The following SAMD12 variants were observed in gnomAD, a reference collection of about 807,000 sequenced individuals.
SAMD12 encodes sterile alpha motif domain containing 12, also known as sterile alpha motif domain-containing protein 12.
In SAMD12, 9 loss-of-function variants were observed where a neutral mutation model predicts 15.0. The observed-to-expected ratio is 0.60, with a 90% CI of 0.36 to 1.05. The LOEUF (loss-of-function observed/expected upper bound fraction) is 1.05, where lower values mean the gene tolerates loss of function less well. Ranked by LOEUF, SAMD12 falls within the 50% of genes least tolerant of loss-of-function variation. SAMD12 has a pLI of 0.01. For missense variants in SAMD12, 230 were observed against 234.2 expected (o/e 0.98, Z 0.12); for synonymous variants, 86 against 90.1 (o/e 0.96, Z 0.25).
intron 4 of SAMD12, among the ~76,000 whole-genome samples, chr8:118,221,510 A>T (rs147013743): frequency 2.1e-4 from 32 of 152,312 alleles, no homozygotes; most frequent in African/African-American, 6.5e-4. Flanking sequence ...CAAGAAGTAA[A>T]AAATAAATAA....
At chr8:118,202,699 G>C (rs1172717035) in intron 4 of SAMD12, among the ~76,000 whole-genome samples, 2 of 152,118 alleles carry the variant, frequency 1.3e-5, no homozygotes, top group Non-Finnish European at 2.9e-5. Context: ...CCTTTAAAAG[G>C]GCTGTTCAGT....
At chr8:118,468,333 C>T (rs1257196116) in intron 2 of SAMD12, among the ~76,000 whole-genome samples, 2 of 152,134 alleles carry the variant, frequency 1.3e-5, no homozygotes, top group African/African-American at 4.8e-5. Flanking sequence ...GTAAACCAAC[C>T]AGTTTTCTTA....
chr8:118,501,862 A>G (rs1367163873), intron 2 of SAMD12, among the ~76,000 whole-genome samples: 1 of 152,136 alleles, frequency 6.6e-6, no homozygotes, highest in Non-Finnish European at 1.5e-5. Flanking sequence ...TAAAAATACA[A>G]AAATATTAGC....
chr8:118,175,043 A>AC, the SAMD12 span, among the ~76,000 whole-genome samples: 1 of 146,886 alleles, frequency 6.8e-6, no homozygotes, highest in South Asian at 2.1e-4. Context: ...ACAAAAAAAA[A>AC]AAAACAAAAA....
chr8:118,259,635 G>GA (rs1239600490), intron 4 of SAMD12, among the ~76,000 whole-genome samples: 2 of 152,020 alleles, frequency 1.3e-5, no homozygotes, highest in Non-Finnish European at 2.9e-5. Context: ...TATCTGTCCA[G>GA]CACTTTTCAC....
At chr8:118,173,912 G>A in the SAMD12 span, among the ~76,000 whole-genome samples, 2 of 152,072 alleles carry the variant, frequency 1.3e-5, no homozygotes, top group African/African-American at 2.4e-5. Flanking sequence ...TTGCAGGCAT[G>A]AGCCAACACA....
chr8:118,356,672 G>T (rs1463936929), intron 4 of SAMD12, among the ~76,000 whole-genome samples: 1 of 152,120 alleles, frequency 6.6e-6, no homozygotes, highest in East Asian at 1.9e-4. Context: ...TTTTCATACA[G>T]GTCCCTCACT....
At chr8:118,351,319 T>A (rs1366865977) in intron 4 of SAMD12, among the ~76,000 whole-genome samples, 1 of 152,182 alleles carries the variant, frequency 6.6e-6, no homozygotes, top group Non-Finnish European at 1.5e-5. Context: ...TGCCTACAGT[T>A]GTTGCTGATT....
At chr8:118,559,015 AG>A (rs1456898359) in intron 2 of SAMD12, among the ~76,000 whole-genome samples, 1 of 152,126 alleles carries the variant, frequency 6.6e-6, no homozygotes, top group Non-Finnish European at 1.5e-5. Flanking sequence ...GTCCCAATTC[AG>A]GGGGAGAAAA....
chr8:118,397,907 C>G (rs1484425271), intron 3 of SAMD12, among the ~76,000 whole-genome samples: 2 of 152,288 alleles, frequency 1.3e-5, no homozygotes, highest in African/African-American at 4.8e-5. Flanking sequence ...ATCCTCCCAT[C>G]TCAGCCCCGC....
chr8:118,337,686 C>G (rs1008239680), intron 4 of SAMD12, among the ~76,000 whole-genome samples: 1 of 152,232 alleles, frequency 6.6e-6, no homozygotes, highest in Non-Finnish European at 1.5e-5. Context: ...TAGTCACCGT[C>G]TTGCTTCTCA....
chr8:118,202,731 G>T (rs1173173553), intron 4 of SAMD12, among the ~76,000 whole-genome samples: 1 of 152,170 alleles, frequency 6.6e-6, no homozygotes, highest in East Asian at 1.9e-4. Flanking sequence ...AGAAAGAAGG[G>T]TCCATATCTT....
intron 4 of SAMD12, among the ~76,000 whole-genome samples, chr8:118,310,373 C>G (rs1441123245): frequency 6.6e-6 from 1 of 152,154 alleles, no homozygotes; most frequent in Non-Finnish European, 1.5e-5. Flanking sequence ...GCTGTAAAGC[C>G]AAAAACTAAA....
chr8:118,532,808 A>G (rs1484893242), intron 2 of SAMD12, among the ~76,000 whole-genome samples: 3 of 151,712 alleles, frequency 2.0e-5, no homozygotes, highest in Admixed American at 2.0e-4. Flanking sequence ...TTTTTATTGC[A>G]TCTATTTGAT....
chr8:118,421,757 C>T (rs1379187763), intron 3 of SAMD12, among the ~76,000 whole-genome samples: 2 of 152,188 alleles, frequency 1.3e-5, no homozygotes, highest in Non-Finnish European at 2.9e-5. Flanking sequence ...ACTCAGTGAG[C>T]TTTCACAGCA....
chr8:118,594,924 T>A (rs182368455), intron 1 of SAMD12, among the ~76,000 whole-genome samples: 2 of 152,316 alleles, frequency 1.3e-5, no homozygotes, highest in Admixed American at 1.3e-4. Flanking sequence ...CCTAAAGTGT[T>A]TATCTGCACT....
intron 3 of SAMD12, among the ~76,000 whole-genome samples, chr8:118,391,389 C>G (rs1319038466): frequency 6.6e-6 from 1 of 152,194 alleles, no homozygotes; most frequent in Non-Finnish European, 1.5e-5. Context: ...TTGGGATTCT[C>G]TGTTTATTAA....
intron 2 of SAMD12, among the ~76,000 whole-genome samples, chr8:118,565,730 T>C (rs924056583): frequency 2.0e-5 from 3 of 152,168 alleles, no homozygotes; most frequent in Admixed American, 6.5e-5. Context: ...CACTGAGGCA[T>C]CCCTTATTCT....
intron 4 of SAMD12, among the ~76,000 whole-genome samples, chr8:118,237,526 T>G (rs931486680): frequency 1.3e-5 from 2 of 152,104 alleles, no homozygotes; most frequent in Admixed American, 6.5e-5. Flanking sequence ...TTTCCCCAGC[T>G]GTAAGAAGAG....
Sources: gnomAD v4.1 joint callset for allele counts (sites outside exome capture counted in the v4.1 genomes callset) on GRCh38, gnomAD v4.1.1 for gene constraint, MANE v1.5 for transcripts, NCBI Gene and HGNC (gene_info 2026-07-23, HGNC 2026-07-21) for gene names.